TNFSF4: variants seen among roughly 807,000 people sequenced by gnomAD.
The protein encoded by TNFSF4 is TNF superfamily member 4, also known as tumor necrosis factor ligand superfamily member 4.
A neutral mutation model predicts 7.3 loss-of-function variants in TNFSF4; 4 were observed. The ratio of observed to expected loss-of-function variants is 0.55; its 90% CI spans 0.27 to 1.25. The LOEUF is 1.25. Among genes scored for constraint, TNFSF4 ranks in the 50% most tolerant of loss-of-function variants. The pLI, the probability that TNFSF4 is intolerant of heterozygous loss-of-function variation, is 0.12. For missense variants in TNFSF4, 181 were observed against 208.8 expected, an observed-to-expected ratio of 0.87 and a Z score of 0.82; for synonymous variants, 76 against 83.7, an observed-to-expected ratio of 0.91 and a Z score of 0.50.
chr1:173,322,973 A>G, the TNFSF4 span, among the ~76,000 whole-genome samples: 1 of 152,202 alleles, frequency 6.6e-6, no homozygotes, highest in African/African-American at 2.4e-5. Context: ...GTGCACAGCC[A>G]AACAACAGGC....
At chr1:173,370,102 C>T in the TNFSF4 span, among the ~76,000 whole-genome samples, 45 of 152,244 alleles carry the variant, frequency 3.0e-4, no homozygotes, top group African/African-American at 1.1e-3. Flanking sequence ...ATATCCCCTT[C>T]TCCCTCTCTG....
the TNFSF4 span, among the ~76,000 whole-genome samples, chr1:173,272,929 C>T: frequency 2.0e-5 from 3 of 152,120 alleles, no homozygotes; most frequent in African/African-American, 7.2e-5. Flanking sequence ...TTTTCTGCAG[C>T]TGATTTGGGA....
chr1:173,218,514 C>T, the TNFSF4 span, among the ~76,000 whole-genome samples: 2 of 152,030 alleles, frequency 1.3e-5, no homozygotes, highest in Non-Finnish European at 2.9e-5. Flanking sequence ...ACTCAGAAGC[C>T]CCCTCTCCTT....
chr1:173,325,563 C>T, the TNFSF4 span, among the ~76,000 whole-genome samples: 8 of 151,338 alleles, frequency 5.3e-5, no homozygotes, highest in East Asian at 1.4e-3. Context: ...TTCAAAAAAT[C>T]AATGAATCCA....
the TNFSF4 span, among the ~76,000 whole-genome samples, chr1:173,304,801 C>A: frequency 6.6e-6 from 1 of 151,976 alleles, no homozygotes. Context: ...AAGCCACTTG[C>A]CTCATAACCT....
At chr1:173,317,912 C>A in the TNFSF4 span, among the ~76,000 whole-genome samples, 2 of 152,140 alleles carry the variant, frequency 1.3e-5, no homozygotes, top group Admixed American at 1.3e-4. Flanking sequence ...ACTAACACCA[C>A]CATCAGTACG....
the TNFSF4 span, among the ~76,000 whole-genome samples, chr1:173,324,612 G>A: frequency 1.3e-5 from 2 of 152,164 alleles, no homozygotes; most frequent in African/African-American, 4.8e-5. Flanking sequence ...CTATATTCAG[G>A]AAACACATCT....
intron 1 of TNFSF4, among the ~76,000 whole-genome samples, chr1:173,201,634 C>G (rs533175497): frequency 6.6e-6 from 1 of 152,270 alleles, no homozygotes; most frequent in African/African-American, 2.4e-5. Context: ...GAGGTAAAAG[C>G]CTGGACTGAA....
chr1:173,388,321 T>C, the TNFSF4 span, among the ~76,000 whole-genome samples: 1 of 152,260 alleles, frequency 6.6e-6, no homozygotes, highest in African/African-American at 2.4e-5. Context: ...TATATGCATA[T>C]GCATGTTATG....
At chr1:173,270,254 G>A in the TNFSF4 span, among the ~76,000 whole-genome samples, 1 of 152,134 alleles carries the variant, frequency 6.6e-6, no homozygotes, top group Non-Finnish European at 1.5e-5. Flanking sequence ...AAGTAAAGAT[G>A]AGTAGCAGCT....
chr1:173,359,500 T>A, the TNFSF4 span, among the ~76,000 whole-genome samples: 1 of 132,740 alleles, frequency 7.5e-6, no homozygotes, highest in Non-Finnish European at 1.6e-5. Context: ...GACTTTCTTT[T>A]TACCAGCTGT....
chr1:173,174,388 C>G, the TNFSF4 span: 3 of 152,222 alleles, frequency 2.0e-5, no homozygotes, highest in Non-Finnish European at 4.4e-5. Context: ...TTTCATGTAT[C>G]TTTACAGTAG....
chr1:173,200,962 G>A (rs1255027924), intron 1 of TNFSF4, among the ~76,000 whole-genome samples: 1 of 152,178 alleles, frequency 6.6e-6, no homozygotes, highest in African/African-American at 2.4e-5. Flanking sequence ...TAAAAATTAA[G>A]GTGCATTTCA....
the TNFSF4 span, among the ~76,000 whole-genome samples, chr1:173,420,031 T>C: frequency 1.3e-5 from 2 of 152,178 alleles, no homozygotes; most frequent in Non-Finnish European, 2.9e-5. Context: ...CGCATGTTTA[T>C]TGAGTGAGCT....
the TNFSF4 span, among the ~76,000 whole-genome samples, chr1:173,244,650 A>C: frequency 4.0e-5 from 5 of 125,774 alleles, no homozygotes; most frequent in African/African-American, 6.5e-5. Context: ...TCAAAAAAAA[A>C]CAAAAAACAA....
At chr1:173,333,401 C>T in the TNFSF4 span, among the ~76,000 whole-genome samples, 1 of 152,076 alleles carries the variant, frequency 6.6e-6, no homozygotes, top group South Asian at 2.1e-4. Flanking sequence ...GTTGAGACAT[C>T]GGTTTTTCCT....
At chr1:173,445,596 G>GT in the TNFSF4 span, among the ~76,000 whole-genome samples, 2 of 152,164 alleles carry the variant, frequency 1.3e-5, no homozygotes. Context: ...GAGTACTGGA[G>GT]TAAGTCAGTA....
At chr1:173,232,697 G>A in the TNFSF4 span, among the ~76,000 whole-genome samples, 164 of 152,108 alleles carry the variant, frequency 1.1e-3, no homozygotes, top group African/African-American at 3.7e-3. Context: ...GGATTTTGTC[G>A]AAGGCCTTTT....
the TNFSF4 span, among the ~76,000 whole-genome samples, chr1:173,227,220 C>T: frequency 6.6e-6 from 1 of 151,906 alleles, no homozygotes; most frequent in African/African-American, 2.4e-5. Flanking sequence ...TAATTAATGC[C>T]ACTCCCTGAA....
Sources: allele counts gnomAD v4.1 joint callset (sites outside exome capture counted in the v4.1 genomes callset), GRCh38; gene constraint gnomAD v4.1.1; transcripts MANE v1.5; gene names NCBI Gene and HGNC (gene_info 2026-07-23, HGNC 2026-07-21).